AJAP1: variants seen among roughly 807,000 people sequenced by gnomAD.
The protein encoded by AJAP1 is adherens junction-associated protein 1.
AJAP1 carries 5 observed loss-of-function variants against 35.0 expected under a neutral mutation model. The ratio of observed to expected loss-of-function variants is 0.14; its 90% CI spans 0.07 to 0.30. The LOEUF (loss-of-function observed/expected upper bound fraction) is 0.30. Ranked by LOEUF, AJAP1 falls within the 10% of genes least tolerant of loss-of-function variation. AJAP1 has a pLI of 1.00. For synonymous variants in AJAP1, 284 were observed against 249.3 expected (o/e 1.14, Z -1.31); for missense variants, 586 against 571.0 (o/e 1.03, Z -0.27).
At chr1:4,665,560 T>C (rs189372271) in intron 1 of AJAP1, among the ~76,000 whole-genome samples, 135 of 152,280 alleles carry the variant, frequency 8.9e-4, no homozygotes, top group African/African-American at 3.1e-3. Flanking sequence ...TTTCTCAGGC[T>C]CTCACCCCGA....
chr1:4,655,748 G>A lies in AJAP1; in HGVS notation c.29+294G>A, dbSNP rs918391226. Among the ~76,000 whole-genome samples, 13 of 149,710 alleles carry A rather than the reference G, an allele frequency of 8.7e-5. No individual in the cohort carries two copies. The highest frequency in any genetic ancestry group is 3.2e-4 in the African/African-American group (13 of 41,138). On this transcript the variant is annotated intron_variant, in intron 1 of 5. Coordinates refer to ENST00000378191, the MANE Select transcript of AJAP1 (RefSeq NM_018836.4). The surrounding 1 kb of genome is among the most constrained non-coding windows in gnomAD (Gnocchi z 6.9). ...GCCAGGCGCGCCCGCAGCTCTAGGA[G>A]CCAGCAGCGCAGTGTCCTGGCCGGC...
At chr1:4,694,419 A>G (rs868276695) in intron 1 of AJAP1, among the ~76,000 whole-genome samples, 3 of 152,208 alleles carry the variant, frequency 2.0e-5, no homozygotes, top group African/African-American at 7.2e-5. Context: ...CCATTCATTC[A>G]TTCAGTCTCT....
chr1:4,688,641 G>A (rs921430724), intron 1 of AJAP1, among the ~76,000 whole-genome samples: 9 of 151,826 alleles, frequency 5.9e-5, no homozygotes, highest in South Asian at 2.1e-4. Context: ...GCGTGGTGGC[G>A]TGCACCTGCA....
chr1:4,705,110 C>G (rs1249157678), intron 1 of AJAP1, among the ~76,000 whole-genome samples: 2 of 152,060 alleles, frequency 1.3e-5, no homozygotes, highest in Non-Finnish European at 2.9e-5. Flanking sequence ...TGTAGGTTGC[C>G]TGTTCACTCT....
chr1:4,699,985 GT>G (rs1254587982), intron 1 of AJAP1, among the ~76,000 whole-genome samples: 1 of 152,200 alleles, frequency 6.6e-6, no homozygotes, highest in African/African-American at 2.4e-5. Context: ...GTCCTCTTCA[GT>G]TTGGTTTTCT....
chr1:4,713,490 C>G (rs1342579004), intron 2 of AJAP1, among the ~76,000 whole-genome samples: 1 of 152,234 alleles, frequency 6.6e-6, no homozygotes, highest in African/African-American at 2.4e-5. Context: ...TATACGCTGT[C>G]CTCCATTTGC....
At position 4,784,418 on chromosome 1, in the gene AJAP1, C is replaced by T. The variant is rs1642127648; in HGVS notation, c.*1933C>T. The T allele has an allele frequency of 6.6e-6, 1 of 152,182 alleles. No individual in the cohort carries two copies. The highest frequency in any genetic ancestry group is 1.5e-5 in the Non-Finnish European group (1 of 68,042). 9.4% of individuals were successfully genotyped at this position (152,182 alleles called of 1,614,324 possible). A position where few individuals can be genotyped will look rare whatever the true frequency, so the allele number is the denominator to read the frequency against. ...AATTTCAGCAGTAGAGTGCATGAGC[C>T]AATTCAGTGAAATGTCACAGGCCAG... On this transcript the variant is annotated 3_prime_UTR_variant, in exon 6 of 6. Transcript: ENST00000378191.
intron 2 of AJAP1, among the ~76,000 whole-genome samples, chr1:4,719,424 C>G (rs1337339024): frequency 6.6e-6 from 1 of 152,202 alleles, no homozygotes; most frequent in African/African-American, 2.4e-5. Flanking sequence ...TGTCACCAAG[C>G]CACAGCTTCA....
rs1240600373 is a variant in AJAP1 at position 4,783,467 on chromosome 1, GTGTGTATATATA to G, written c.*984_*995del. On this transcript the variant is annotated 3_prime_UTR_variant, in exon 6 of 6. Coordinates refer to ENST00000378191, the MANE Select transcript of AJAP1 (RefSeq NM_018836.4). ...AAGAATGCCAAGGTTTTATATATGT[GTGTGTATATATA>G]TATATATATATATATATATATATAT... The G allele has an allele frequency of 3.2e-5, 1 of 31,364 alleles. No homozygotes were observed. Among genetic ancestry groups the G allele is most frequent in the Non-Finnish European group, 5.1e-5 (1 of 19,652 alleles). 1.9% of individuals were successfully genotyped at this position (31,364 alleles called of 1,614,324 possible).
chr1:4,689,180 G>GAA (rs1639678462), intron 1 of AJAP1, among the ~76,000 whole-genome samples: 1 of 152,154 alleles, frequency 6.6e-6, no homozygotes, highest in Non-Finnish European at 1.5e-5. Context: ...GGGAGAGAGA[G>GAA]AAACACACCG....
At chr1:4,677,488 G>A (rs755287524) in intron 1 of AJAP1, among the ~76,000 whole-genome samples, 1 of 151,982 alleles carries the variant, frequency 6.6e-6, no homozygotes, top group Non-Finnish European at 1.5e-5. Flanking sequence ...GCTGGCCAGC[G>A]GCTTTTCTCT....
intron 2 of AJAP1, among the ~76,000 whole-genome samples, chr1:4,763,665 G>A (rs1641619744): frequency 6.6e-6 from 1 of 152,040 alleles, no homozygotes; most frequent in African/African-American, 2.4e-5. Flanking sequence ...TGAGGGCCCA[G>A]GCAGAACCAA....
chr1:4,716,656 GTGA>G (rs777624476), intron 2 of AJAP1, among the ~76,000 whole-genome samples: 6 of 151,438 alleles, frequency 4.0e-5, no homozygotes, highest in Non-Finnish European at 7.4e-5. Context: ...GTTGATGATG[GTGA>G]TGATAATGAT....
chr1:4,728,324 A>T (rs1343601761), intron 2 of AJAP1, among the ~76,000 whole-genome samples: 1 of 151,980 alleles, frequency 6.6e-6, no homozygotes, highest in African/African-American at 2.4e-5. Flanking sequence ...TTCCGATGGC[A>T]TGCTGGAGGG....
At chr1:4,691,859 G>A (rs1054650401) in intron 1 of AJAP1, among the ~76,000 whole-genome samples, 1 of 152,144 alleles carries the variant, frequency 6.6e-6, no homozygotes, top group African/African-American at 2.4e-5. Flanking sequence ...AGGGAGCCCT[G>A]CCTCTTCCCC....
intron 1 of AJAP1, among the ~76,000 whole-genome samples, chr1:4,682,847 ATGGTGATGG>A (rs950560505): frequency 3.3e-5 from 5 of 152,118 alleles, no homozygotes; most frequent in African/African-American, 9.6e-5. Flanking sequence ...GATGGTGATG[ATGGTGATGG>A]TGGTGATGGT....
intron 1 of AJAP1, among the ~76,000 whole-genome samples, chr1:4,674,029 T>TCC (rs77073053): frequency 4.6e-5 from 5 of 109,190 alleles, no homozygotes; most frequent in African/African-American, 1.4e-4. Flanking sequence ...GATAGGCTTA[T>TCC]CCCCCCCGCC....
intron 2 of AJAP1, among the ~76,000 whole-genome samples, chr1:4,714,681 C>T (rs1220948071): frequency 6.6e-6 from 1 of 152,110 alleles, no homozygotes; most frequent in African/African-American, 2.4e-5. Context: ...CAAAACAAAT[C>T]TAAAAAGAGG....
At chr1:4,698,231 C>G (rs1639910618) in intron 1 of AJAP1, among the ~76,000 whole-genome samples, 1 of 152,148 alleles carries the variant, frequency 6.6e-6, no homozygotes, top group Non-Finnish European at 1.5e-5. Context: ...AGATGGGCCG[C>G]TAAGGGGCCT....
Sources: allele counts gnomAD v4.1 joint callset (sites outside exome capture counted in the v4.1 genomes callset), GRCh38; gene constraint gnomAD v4.1.1; non-coding constraint Gnocchi (gnomAD v3.1); transcripts MANE v1.5; gene names NCBI Gene and HGNC (gene_info 2026-07-23, HGNC 2026-07-21).